RABAC1: variants seen among roughly 807,000 people sequenced by gnomAD.
RABAC1 encodes the protein Rab acceptor 1.
RABAC1 carries 16 observed loss-of-function variants against 22.9 expected under a neutral mutation model. That is an observed-to-expected ratio of 0.70 (90% CI 0.47 to 1.06). The LOEUF (loss-of-function observed/expected upper bound fraction) is 1.06, where lower values mean the gene tolerates loss of function less well. Among genes scored for constraint, RABAC1 ranks in the 50% least tolerant of loss-of-function variants. The pLI, the probability that RABAC1 is intolerant of heterozygous loss-of-function variation, is 0.00. For synonymous variants in RABAC1, 139 were observed against 107.7 expected (o/e 1.29, Z -1.80); for missense variants, 227 against 246.5 (o/e 0.92, Z 0.53).
chr19:41,958,409 C>T (rs782008377), intron 2 of RABAC1, 26 bp from the exon 3 acceptor site: 2 of 1,597,994 alleles, frequency 1.3e-6, no homozygotes, highest in South Asian at 2.2e-5. Context: ...AGGGAGGCAG[C>T]GGTTAGACAG....
chr19:41,959,245 C>T lies in RABAC1; in HGVS notation c.48G>A (p.Leu16=), dbSNP rs782017026. The part of the protein sequence containing the change: ...DQQKDAEAEG[L]SGTTLLPKLI... ...AGAGCCAGCTCGCTCACGTGCCGCT[C>T]AGCCCTTCCGCCTCGGCATCTTTCT... The change falls in exon 1 of 5, where the codon CTG becomes CTA. Residue 16 remains leucine, a synonymous_variant. Coordinates refer to ENST00000222008, the MANE Select transcript of RABAC1 (RefSeq NM_006423.3). The T allele has an allele frequency of 1.2e-6, 2 of 1,613,584 alleles. No homozygotes were observed. The highest frequency in any genetic ancestry group is 1.7e-6 in the Non-Finnish European group (2 of 1,179,926).
At chr19:41,957,231 C>A (rs1049727539) in intron 3 of RABAC1, 112 bp from the exon 4 acceptor site, 3 of 886,990 alleles carry the variant, frequency 3.4e-6, no homozygotes, top group African/African-American at 3.3e-5. Flanking sequence ...GGATCGAATC[C>A]AAACTCCTCA....
chr19:41,958,335 G>C lies in RABAC1; in HGVS notation c.318C>G (p.Ala106=). The C allele has an allele frequency of 6.2e-7, 1 of 1,613,688 alleles. No individual in the cohort carries two copies. The highest frequency in any genetic ancestry group is 8.5e-7 in the Non-Finnish European group (1 of 1,179,932). ...AGGTGCGCAGATAGAGAATGTAACA[G>C]GCGCCGAAAAAGACAGCCAGAGCCA... ...LLVALAVFFG[A]CYILYLRTLE... The change falls in exon 3 of 5, where the codon GCC becomes GCG. Residue 106 remains alanine, a synonymous_variant. Coordinates refer to ENST00000222008, the MANE Select transcript of RABAC1 (RefSeq NM_006423.3).
intron 3 of RABAC1, 89 bp downstream of exon 3, chr19:41,958,197 G>A: frequency 1.5e-6 from 2 of 1,305,392 alleles, no homozygotes; most frequent in South Asian, 1.3e-5. Flanking sequence ...GGTTTTGAAG[G>A]ACTTGGATTT....
At chr19:41,957,178 C>A in intron 3 of RABAC1, 59 bp from the exon 4 acceptor site, 1 of 1,361,466 alleles carries the variant, frequency 7.3e-7, no homozygotes, top group Middle Eastern at 1.8e-4. Context: ...CCCAGAGTAA[C>A]CCCTGCTGCC....
Position 41,958,928 on chromosome 19 carries a change from A to G in RABAC1, c.77T>C (p.Ile26Thr). 6.3e-7 allele frequency: 1 copy of G among 1,585,192 alleles called. No individual in the cohort carries two copies. Among genetic ancestry groups the G allele is most frequent in the Non-Finnish European group, 8.5e-7 (1 of 1,170,252 alleles). Reference protein sequence around the residue: ...LSGTTLLPKLIPSGAGREWLE... With the variant: ...LSGTTLLPKLTPSGAGREWLE... ...CCACTCCCGGCCTGCACCGGAGGGA[A>G]TCAGCTTCGGCAGCAGGGTCCTGCG... Residue 26 changes from isoleucine (I) to threonine (T), a missense_variant, in exon 2 of 5, where the codon ATT becomes ACT. Physicochemically the swap from Ile to Thr is moderately conservative, Grantham distance 89 (BLOSUM62 -1). Coordinates refer to ENST00000222008, the MANE Select transcript of RABAC1 (RefSeq NM_006423.3).
rs1460692079 is a variant in RABAC1, at chr19:41,958,624, G to GC, written c.269+111dup. 3.3e-6 allele frequency: 4 copies of GC among 1,217,036 alleles called. No homozygotes were observed. The Admixed American group carries it at 8.6e-5, about 26-fold the overall frequency. The allele number at this position is 1,217,036 out of a possible 1,614,324, so 75.4% of individuals were successfully genotyped here. A position where few individuals can be genotyped will look rare whatever the true frequency, so the allele number is the denominator to read the frequency against. ...GCGGGGCCTGGGCGGTGAGAAGAGG[G>GC]CCCTGGGCGGTGAGAGGAGGGACCG... is the stretch of plus-strand genomic sequence containing the variant. On this transcript the variant is annotated intron_variant, in intron 2 of 4. Coordinates refer to ENST00000222008, the MANE Select transcript of RABAC1 (RefSeq NM_006423.3).
intron 3 of RABAC1, 49 bp downstream of exon 3, chr19:41,958,237 G>C: frequency 6.5e-7 from 1 of 1,540,026 alleles, no homozygotes; most frequent in Non-Finnish European, 8.9e-7. Flanking sequence ...CATTCCAAAA[G>C]ACCAAGATTT....
rs1555856732 is a variant in RABAC1, at chr19:41,956,870, C to T, written c.534G>A (p.Glu178=). The change falls in exon 5 of 5, where the codon GAG becomes GAA. Residue 178 remains glutamate (E), a synonymous_variant. Transcript: ENST00000222008. ...AFHQIEAVDG[E]ELQMEPV ...CTCACACGGGTTCCATCTGCAGCTC[C>T]TCCCCGTCCACAGCCTCAATCTGGT... 3.7e-6 allele frequency: 6 copies of T among 1,612,200 alleles called. No homozygotes were observed. Among genetic ancestry groups the T allele is most frequent in the Non-Finnish European group, 5.1e-6 (6 of 1,179,384 alleles).
intron 2 of RABAC1, 91 bp downstream of exon 2, chr19:41,958,645 G>A: frequency 1.5e-6 from 2 of 1,377,584 alleles, no homozygotes; most frequent in Non-Finnish European, 2.0e-6. Context: ...TGAGAGGAGG[G>A]ACCGGGCGGT....
chr19:41,958,463 G>A (rs951393466), intron 2 of RABAC1, 80 bp from the exon 3 acceptor site: 2 of 1,370,944 alleles, frequency 1.5e-6, no homozygotes, highest in South Asian at 1.2e-5. Context: ...CTCCACCGGC[G>A]GGCGGCAAGC....
chr19:41,959,193 A>C, intron 1 of RABAC1, 44 bp downstream of exon 1: 1 of 1,611,012 alleles, frequency 6.2e-7, no homozygotes, highest in Non-Finnish European at 8.5e-7. Context: ...GGGGGCCCGG[A>C]CTCCCGGGTC....
rs778195060 is a variant in RABAC1 at position 41,958,910 on chromosome 19, C to A, written c.95G>T (p.Arg32Leu). ...LPKLIPSGAG[R>L]EWLERRRATI... ...CGCGCGGCGCCGCTCCAGCCACTCC[C>A]GGCCTGCACCGGAGGGAATCAGCTT... The change falls in exon 2 of 5, where the codon CGG becomes CTG. Residue 32 changes from arginine to leucine, a missense_variant. By Grantham distance (102) the Arg-to-Leu change is moderately radical. Transcript: ENST00000222008. 1 of 1,592,620 alleles carries A rather than the reference C, an allele frequency of 6.3e-7. No individual in the cohort carries two copies. Among genetic ancestry groups the A allele is most frequent in the East Asian group, 2.3e-5 (1 of 44,144 alleles).
At chr19:41,958,597 G>T in intron 2 of RABAC1, 139 bp downstream of exon 2, 1 of 1,040,434 alleles carries the variant, frequency 9.6e-7, no homozygotes, top group African/African-American at 1.6e-5. Context: ...CAATCCTTGG[G>T]GGCGGGGCCT....
rs574910963 is a variant in RABAC1 at position 41,959,313 on chromosome 19, A to G, written c.-21T>C. 2.5e-6 allele frequency: 4 copies of G among 1,613,300 alleles called. No individual in the cohort carries two copies. Among genetic ancestry groups the G allele is most frequent in the East Asian group, 4.5e-5 (2 of 44,860 alleles). On this transcript the variant is annotated 5_prime_UTR_variant, in exon 1 of 5. Transcript: ENST00000222008. ...GCCATGTCTGCGTCGTGAGGGGTAGAGCTGCTGTAACCAGCCCGGTACCCT... is the reference window on the plus strand; with the variant it reads ...GCCATGTCTGCGTCGTGAGGGGTAGGGCTGCTGTAACCAGCCCGGTACCCT...
Position 41,958,402 on chromosome 19 carries a change from G to C in RABAC1, c.270-19C>G, listed in dbSNP as rs782005837. On this transcript the variant is annotated intron_variant, in intron 2 of 4. Transcript: ENST00000222008. ...CGTCACCCTGGAGGAGGAGTGCAGGGAGGCAGCGGTTAGACAGCTGGGGCT... is the reference window on the plus strand; with the variant it reads ...CGTCACCCTGGAGGAGGAGTGCAGGCAGGCAGCGGTTAGACAGCTGGGGCT... 2 of 1,607,006 alleles carry C rather than the reference G, an allele frequency of 1.2e-6. No homozygotes were observed. The highest frequency in any genetic ancestry group is 1.7e-6 in the Non-Finnish European group (2 of 1,175,648).
intron 2 of RABAC1, 76 bp from the exon 3 acceptor site, chr19:41,958,459 C>T (rs1205984613): frequency 2.2e-6 from 3 of 1,391,544 alleles, no homozygotes; most frequent in East Asian, 4.8e-5. Flanking sequence ...CCTTCTCCAC[C>T]GGCGGGCGGC....
intron 2 of RABAC1, 137 bp from the exon 3 acceptor site, chr19:41,958,520 C>A: frequency 2.1e-6 from 2 of 950,284 alleles, no homozygotes; most frequent in Non-Finnish European, 3.3e-6. Flanking sequence ...AGTCACACTG[C>A]ATCCTGGCCA....
chr19:41,956,852 G>C lies in RABAC1; in HGVS notation c.552C>G (p.Pro184=), dbSNP rs10182. The C allele has an allele frequency of 1.2e-5, 20 of 1,610,290 alleles. No individual in the cohort carries two copies. Among genetic ancestry groups the C allele is most frequent in the Non-Finnish European group, 1.6e-5 (19 of 1,178,498 alleles). The change falls in exon 5 of 5, where the codon CCC becomes CCG. Residue 184 remains proline (P), a synonymous_variant. Coordinates refer to ENST00000222008, the MANE Select transcript of RABAC1 (RefSeq NM_006423.3). ...AVDGEELQME[P]V is the part of the protein sequence containing the mutation. ...GCAGGTCCCAGAAGACACCTCACAC[G>C]GGTTCCATCTGCAGCTCCTCCCCGT...
Sources: allele counts gnomAD v4.1 joint callset, GRCh38; gene constraint gnomAD v4.1.1; transcripts MANE v1.5; gene names NCBI Gene and HGNC (gene_info 2026-07-23, HGNC 2026-07-21).